Variants in FANK1 observed in about 807,000 individuals in gnomAD.
FANK1 encodes the protein fibronectin type III and ankyrin repeat domains 1.
Under a neutral mutation model 45.3 loss-of-function variants are expected in FANK1, and 44 were observed. That is an observed-to-expected ratio of 0.97 (90% confidence interval 0.76 to 1.25). The LOEUF is 1.25. Ranked by LOEUF, FANK1 falls within the 50% of genes most tolerant of loss-of-function variation. The probability of loss-of-function intolerance (pLI) is 0.00; values close to 1 mark genes in which losing one functional copy is unlikely to be tolerated. For missense variants in FANK1, 391 were observed against 424.4 expected (o/e 0.92, Z 0.69); for synonymous variants, 149 against 152.5 (o/e 0.98, Z 0.17).
chr10:125,995,328 G>T, intron 3 of FANK1, 89 bp from the exon 4 acceptor site: 1 of 1,172,586 alleles, frequency 8.5e-7, no homozygotes, highest in South Asian at 1.2e-5. Flanking sequence ...TCCTGAAGAT[G>T]ATCCCCTGAA....
chr10:125,959,405 C>T, intron 1 of FANK1, among the ~76,000 whole-genome samples: 2 of 88,988 alleles, frequency 2.2e-5, no homozygotes, highest in Admixed American at 1.3e-4. Context: ...CAGAATGAGA[C>T]TCTGTCTCAA....
intron 1 of FANK1, among the ~76,000 whole-genome samples, chr10:125,906,007 G>C (rs1945476869): frequency 6.6e-6 from 1 of 152,226 alleles, no homozygotes; most frequent in African/African-American, 2.4e-5. Flanking sequence ...ACTCACTTGA[G>C]GGTATCATGG....
intron 7 of FANK1, among the ~76,000 whole-genome samples, chr10:126,007,500 A>G (rs1953309666): frequency 6.6e-6 from 1 of 152,232 alleles, no homozygotes; most frequent in Non-Finnish European, 1.5e-5. Context: ...ATCATGTTAC[A>G]GTGGATAATC....
At chr10:125,913,392 A>T (rs1203037648) in intron 1 of FANK1, among the ~76,000 whole-genome samples, 2 of 152,154 alleles carry the variant, frequency 1.3e-5, no homozygotes, top group Non-Finnish European at 2.9e-5. Flanking sequence ...GTCGGCCAAA[A>T]GGAGGAAGGA....
intron 1 of FANK1, among the ~76,000 whole-genome samples, chr10:125,934,318 T>C (rs1018439228): frequency 6.6e-6 from 1 of 152,184 alleles, no homozygotes; most frequent in Non-Finnish European, 1.5e-5. Flanking sequence ...TACTTGGCTT[T>C]TCTTTATAGT....
chr10:125,922,677 G>A (rs555067038), intron 1 of FANK1, among the ~76,000 whole-genome samples: 1 of 152,232 alleles, frequency 6.6e-6, no homozygotes, highest in East Asian at 1.9e-4. Flanking sequence ...GCCATGCCCA[G>A]CTAATTTTTG....
At chr10:125,958,144 T>G (rs1206397142) in intron 1 of FANK1, among the ~76,000 whole-genome samples, 2 of 152,166 alleles carry the variant, frequency 1.3e-5, no homozygotes, top group African/African-American at 4.8e-5. Flanking sequence ...CTAGAACTAA[T>G]TCCTCCTATC....
chr10:125,914,148 A>G (rs1946254558), intron 1 of FANK1, among the ~76,000 whole-genome samples: 1 of 152,152 alleles, frequency 6.6e-6, no homozygotes, highest in South Asian at 2.1e-4. Flanking sequence ...CTCCCAGACA[A>G]CTTCCTATGG....
intron 1 of FANK1, among the ~76,000 whole-genome samples, chr10:125,960,825 G>C (rs1038324431): frequency 6.6e-6 from 1 of 151,972 alleles, no homozygotes; most frequent in African/African-American, 2.4e-5. Context: ...GTGAGCCACT[G>C]TGCCCTGGCC....
intron 1 of FANK1, among the ~76,000 whole-genome samples, chr10:125,945,605 C>T (rs1948735763): frequency 6.6e-6 from 1 of 152,212 alleles, no homozygotes; most frequent in African/African-American, 2.4e-5. Flanking sequence ...GTCCTACGCC[C>T]ACGGAATCTC....
intron 1 of FANK1, among the ~76,000 whole-genome samples, chr10:125,934,747 T>G (rs1947977503): frequency 7.3e-6 from 1 of 137,646 alleles, no homozygotes; most frequent in Non-Finnish European, 1.5e-5. Flanking sequence ...TTTTTTTTTT[T>G]TTTTTTTTTT....
chr10:125,970,689 C>G (rs2134190093), intron 1 of FANK1, among the ~76,000 whole-genome samples: 1 of 152,328 alleles, frequency 6.6e-6, no homozygotes, highest in Admixed American at 6.5e-5. Flanking sequence ...CAGCGCGCGC[C>G]TGCAATCCCA....
intron 3 of FANK1, chr10:125,994,388 T>A: frequency 1.0e-6 from 1 of 985,340 alleles, no homozygotes; most frequent in African/African-American, 1.7e-5. Flanking sequence ...GTTTGTTGAA[T>A]GAATAAATGA....
At chr10:125,911,499 A>G (rs180979097) in intron 1 of FANK1, among the ~76,000 whole-genome samples, 23 of 152,388 alleles carry the variant, frequency 1.5e-4, no homozygotes, top group African/African-American at 4.8e-4. Context: ...AATTATAAGC[A>G]AAGCTGCAAG....
chr10:125,969,331 G>A (rs1318519704), intron 1 of FANK1, among the ~76,000 whole-genome samples: 1 of 151,084 alleles, frequency 6.6e-6, no homozygotes, highest in East Asian at 1.9e-4. Context: ...GTTAAATTTG[G>A]ATGCTGGTTA....
At chr10:125,957,921 G>A (rs924080956) in intron 1 of FANK1, among the ~76,000 whole-genome samples, 2 of 151,760 alleles carry the variant, frequency 1.3e-5, no homozygotes, top group African/African-American at 4.8e-5. Flanking sequence ...TAAAAAATTG[G>A]TTTCTTTTAC....
At chr10:125,993,794 A>T (rs1227281854) in intron 3 of FANK1, among the ~76,000 whole-genome samples, 2 of 151,230 alleles carry the variant, frequency 1.3e-5, no homozygotes, top group South Asian at 2.1e-4. Flanking sequence ...TAATGTAGCT[A>T]AAAAAAGTCT....
At chr10:125,981,732 C>T (rs956018018) in intron 2 of FANK1, among the ~76,000 whole-genome samples, 1 of 152,064 alleles carries the variant, frequency 6.6e-6, no homozygotes, top group Non-Finnish European at 1.5e-5. Flanking sequence ...CATTTCTCCC[C>T]TATGGTAACA....
intron 1 of FANK1, among the ~76,000 whole-genome samples, chr10:125,909,144 G>A (rs1945782841): frequency 2.0e-5 from 3 of 152,204 alleles, no homozygotes; most frequent in East Asian, 1.9e-4. Context: ...TTGCAGTATG[G>A]TAGCTACTTT....
Sources: gnomAD v4.1 joint callset for allele counts (sites outside exome capture counted in the v4.1 genomes callset) on GRCh38, gnomAD v4.1.1 for gene constraint, MANE v1.5 for transcripts, NCBI Gene and HGNC (gene_info 2026-07-23, HGNC 2026-07-21) for gene names.